Variants in CSMD1 observed in about 807,000 individuals in gnomAD.
The protein encoded by CSMD1 is CUB and Sushi multiple domains 1, also known as CUB and sushi domain-containing protein 1.
Under a neutral mutation model 417.5 loss-of-function variants are expected in CSMD1, and 213 were observed. That is an observed-to-expected ratio of 0.51 (90% CI 0.46 to 0.57). CSMD1 has a LOEUF of 0.57. Among genes scored for constraint, CSMD1 ranks in the 20% least tolerant of loss-of-function variants. The pLI, the probability that CSMD1 is intolerant of heterozygous loss-of-function variation, is 0.00. For missense variants in CSMD1, 6,923 were observed against 4,529.7 expected (o/e 1.53, Z -15.17); for synonymous variants, 2,862 against 1,736.8 (o/e 1.65, Z -16.11).
At chr8:4,113,893 C>T (rs1363541852) in intron 3 of CSMD1, among the ~76,000 whole-genome samples, 1 of 152,124 alleles carries the variant, frequency 6.6e-6, no homozygotes. Context: ...AAGGAAGTTG[C>T]AGAAGAAAAC....
chr8:4,045,962 T>C (rs1448379089), intron 3 of CSMD1, among the ~76,000 whole-genome samples: 1 of 152,164 alleles, frequency 6.6e-6, no homozygotes, highest in Non-Finnish European at 1.5e-5. Flanking sequence ...AATCAAAGTA[T>C]ATTAGATTCC....
chr8:4,031,956 C>G lies in CSMD1; in HGVS notation c.559G>C (p.Val187Leu). 2 of 1,613,890 alleles carry G rather than the reference C, an allele frequency of 1.2e-6. No individual in the cohort carries two copies. Among genetic ancestry groups the G allele is most frequent in the Non-Finnish European group, 1.7e-6 (2 of 1,179,862 alleles). Residue 187 changes from valine (V) to leucine (L), a missense_variant, in exon 4 of 70, where the codon GTC (valine) becomes CTC (leucine). Val to Leu is a conservative substitution (Grantham distance 32). Coordinates refer to ENST00000635120, the MANE Select transcript of CSMD1 (RefSeq NM_033225.6). Reference sequence around the variant, plus strand: ...CACGATGCACCATTTCCTGGGCTGACGATGCAGGTCAGGATGGCGTGGCCT... The same window carrying G: ...CACGATGCACCATTTCCTGGGCTGAGGATGCAGGTCAGGATGGCGTGGCCT... The part of the protein sequence containing the change: ...LEGHAILTCI[V>L]SPGNGASWDF...
At chr8:4,068,118 T>A (rs990964847) in intron 3 of CSMD1, among the ~76,000 whole-genome samples, 1 of 151,766 alleles carries the variant, frequency 6.6e-6, no homozygotes, top group Non-Finnish European at 1.5e-5. Flanking sequence ...CAACAGTGAG[T>A]GTCTTCTTGC....
intron 9 of CSMD1, among the ~76,000 whole-genome samples, chr8:3,577,559 ATTTG>A (rs970473927): frequency 2.0e-5 from 3 of 152,296 alleles, no homozygotes; most frequent in South Asian, 2.1e-4. Flanking sequence ...TGATTTGTTC[ATTTG>A]TTTAACTTTG....
At chr8:4,888,461 G>C (rs150416020) in intron 1 of CSMD1, among the ~76,000 whole-genome samples, 1 of 151,488 alleles carries the variant, frequency 6.6e-6, no homozygotes, top group African/African-American at 2.4e-5. Flanking sequence ...TGTTTTGCAC[G>C]TATAGGTGTG....
chr8:4,228,228 A>G (rs1801480882), intron 3 of CSMD1, among the ~76,000 whole-genome samples: 1 of 152,042 alleles, frequency 6.6e-6, no homozygotes, highest in Admixed American at 6.6e-5. Flanking sequence ...CATTCCCTTC[A>G]CTGTAAAAAT....
chr8:4,091,308 C>G (rs1029220514), intron 3 of CSMD1, among the ~76,000 whole-genome samples: 3 of 151,994 alleles, frequency 2.0e-5, no homozygotes, highest in Admixed American at 1.3e-4. Flanking sequence ...AATTCTGATT[C>G]AATAAATATT....
chr8:3,194,618 T>G (rs1216546666), intron 33 of CSMD1, among the ~76,000 whole-genome samples: 1 of 141,820 alleles, frequency 7.1e-6, no homozygotes, highest in Non-Finnish European at 1.5e-5. Flanking sequence ...CCACCACACT[T>G]GGCTAATAAT....
At chr8:4,468,015 C>T (rs577347056) in intron 2 of CSMD1, among the ~76,000 whole-genome samples, 2 of 152,016 alleles carry the variant, frequency 1.3e-5, no homozygotes, top group Admixed American at 6.5e-5. Context: ...GTAGTGATAA[C>T]CCCATCTCTC....
intron 23 of CSMD1, among the ~76,000 whole-genome samples, chr8:3,310,064 C>G (rs957199135): frequency 6.6e-6 from 1 of 152,172 alleles, no homozygotes; most frequent in Admixed American, 6.5e-5. Context: ...GTGTATCCAT[C>G]TTGGTGCAAA....
rs888133467 is a variant in CSMD1, at chr8:3,288,548, A to T, written c.3951-4202T>A. ...CTTGGCAGGATGTATGTGTCGAAGA[A>T]TTTATCCATTTCTTCTAGATTTTCT... On this transcript the variant is annotated intron_variant, in intron 25 of 69. Transcript: ENST00000635120. 3.4e-5 allele frequency among the ~76,000 whole-genome samples: 5 copies of T among 147,450 alleles called. No homozygotes were observed. The South Asian group carries it at 1.0e-3, about 31-fold the overall frequency.
At chr8:3,375,848 C>A (rs1810272203) in intron 18 of CSMD1, among the ~76,000 whole-genome samples, 1 of 152,278 alleles carries the variant, frequency 6.6e-6, no homozygotes, top group Admixed American at 6.5e-5. Flanking sequence ...TCACACCCCT[C>A]AATCCTCCAG....
intron 12 of CSMD1, among the ~76,000 whole-genome samples, chr8:3,438,499 G>A (rs1814721949): frequency 6.6e-6 from 1 of 152,172 alleles, no homozygotes; most frequent in Non-Finnish European, 1.5e-5. Context: ...TTGTAGAAAT[G>A]CATGTGACCT....
chr8:4,693,293 A>T (rs938225350), intron 1 of CSMD1, among the ~76,000 whole-genome samples: 8 of 152,368 alleles, frequency 5.3e-5, no homozygotes, highest in African/African-American at 1.9e-4. Flanking sequence ...GATAGGGAAG[A>T]AGGAATAGCA....
chr8:4,263,631 C>T (rs1209849764), intron 3 of CSMD1, among the ~76,000 whole-genome samples: 2 of 152,070 alleles, frequency 1.3e-5, no homozygotes, highest in African/African-American at 2.4e-5. Context: ...AATAGGAAAC[C>T]ATATCATCTT....
At chr8:2,967,631 A>C (rs1456664872) in intron 57 of CSMD1, among the ~76,000 whole-genome samples, 1 of 152,234 alleles carries the variant, frequency 6.6e-6, no homozygotes, top group East Asian at 1.9e-4. Context: ...AGGTAAATAA[A>C]GGAAGTGACC....
intron 1 of CSMD1, among the ~76,000 whole-genome samples, chr8:4,907,972 G>C (rs1269058970): frequency 1.3e-5 from 2 of 152,096 alleles, no homozygotes; most frequent in Non-Finnish European, 2.9e-5. Flanking sequence ...CTCAGATATA[G>C]GCATAGATAT....
At chr8:3,525,690 C>A (rs547293630) in intron 10 of CSMD1, among the ~76,000 whole-genome samples, 7 of 152,196 alleles carry the variant, frequency 4.6e-5, no homozygotes, top group African/African-American at 1.4e-4. Flanking sequence ...CTCTATGTAC[C>A]CAGCTTCCTA....
chr8:3,368,574 G>A (rs1353656726), intron 19 of CSMD1, among the ~76,000 whole-genome samples: 1 of 152,140 alleles, frequency 6.6e-6, no homozygotes, highest in Non-Finnish European at 1.5e-5. Flanking sequence ...CCTGACCTCA[G>A]GTGATACACC....
Sources: gnomAD v4.1 joint callset for allele counts (sites outside exome capture counted in the v4.1 genomes callset) on GRCh38, gnomAD v4.1.1 for gene constraint, MANE v1.5 for transcripts, NCBI Gene and HGNC (gene_info 2026-07-23, HGNC 2026-07-21) for gene names.